The following STXBP4 variants were observed in gnomAD, a reference collection of about 807,000 sequenced individuals.
STXBP4 encodes syntaxin-binding protein 4.
A neutral mutation model predicts 76.1 loss-of-function variants in STXBP4; 55 were observed. The observed-to-expected ratio is 0.72, with a 90% CI of 0.58 to 0.91. The LOEUF is 0.91. STXBP4 is among the 40% of genes least tolerant of loss of function. STXBP4 has a pLI of 0.00. For synonymous variants in STXBP4, 201 were observed against 220.2 expected, an observed-to-expected ratio of 0.91 and a Z score of 0.77; for missense variants, 618 against 636.9, an observed-to-expected ratio of 0.97 and a Z score of 0.32.
At chr17:55,088,469 C>T (rs1422387581) in intron 16 of STXBP4, among the ~76,000 whole-genome samples, 1 of 152,152 alleles carries the variant, frequency 6.6e-6, no homozygotes, top group East Asian at 1.9e-4. Flanking sequence ...GATCCTGGCT[C>T]ACCACAAACT....
At chr17:55,014,817 T>TGGAA (rs2078176081) in intron 8 of STXBP4, among the ~76,000 whole-genome samples, 1 of 152,160 alleles carries the variant, frequency 6.6e-6, no homozygotes, top group South Asian at 2.1e-4. Context: ...TAGGCCACAC[T>TGGAA]GGAAGCAAGC....
intron 8 of STXBP4, among the ~76,000 whole-genome samples, chr17:55,026,649 T>C (rs966831350): frequency 3.3e-5 from 5 of 152,212 alleles, no homozygotes; most frequent in East Asian, 3.9e-4. Flanking sequence ...GGAACTCATA[T>C]AGGGGGCAGT....
At chr17:55,007,665 G>C in intron 8 of STXBP4, 68 bp downstream of exon 8, 2 of 1,262,832 alleles carry the variant, frequency 1.6e-6, no homozygotes, top group African/African-American at 1.5e-5. Context: ...CTCCTTCTTT[G>C]AGAGGATAAA....
At chr17:55,016,220 C>T (rs116037037) in intron 8 of STXBP4, among the ~76,000 whole-genome samples, 3,208 of 152,212 alleles carry the variant, frequency 0.021, 119 homozygotes, top group African/African-American at 0.073. Context: ...CTCTGTTTAT[C>T]GGTTTAGTTA....
At chr17:55,149,354 TCAGA>T (rs56351626) in intron 17 of STXBP4, among the ~76,000 whole-genome samples, 36,702 of 151,924 alleles carry the variant, frequency 0.24, 4,866 homozygotes, top group South Asian at 0.32. Flanking sequence ...GGCTTTAGTA[TCAGA>T]CAGAGCTAGC....
chr17:55,061,802 G>A (rs1363301659), intron 12 of STXBP4, among the ~76,000 whole-genome samples: 1 of 152,178 alleles, frequency 6.6e-6, no homozygotes, highest in East Asian at 1.9e-4. Flanking sequence ...AGATTCTTGT[G>A]TGTATCTGTA....
At chr17:55,143,288 A>G (rs1465897133) in intron 17 of STXBP4, among the ~76,000 whole-genome samples, 1 of 152,214 alleles carries the variant, frequency 6.6e-6, no homozygotes. Context: ...TGCATGATTA[A>G]AAGAAAGAAA....
rs2078502632 is a variant in STXBP4, at chr17:55,031,165, C to T, written c.667-3C>T. 1 of 1,611,114 alleles carries T rather than the reference C, an allele frequency of 6.2e-7. No homozygotes were observed. The highest frequency in any genetic ancestry group is 8.5e-7 in the Non-Finnish European group (1 of 1,178,086). On this transcript the variant is annotated splice_region_variant and splice_polypyrimidine_tract_variant and intron_variant, in intron 8 of 17. Transcript: ENST00000376352. ...TGCTTTTCATGAGTCCTTTATCTTC[C>T]AGGCTCTAAATTATCTTGGTATTCA... is the stretch of plus-strand genomic sequence containing the variant.
rs1218506509 is a variant in STXBP4 at position 55,084,415 on chromosome 17, C to G, written c.1489+3232C>G. Among the ~76,000 whole-genome samples, 5 of 152,230 alleles carry G rather than the reference C, an allele frequency of 3.3e-5. No homozygotes were observed. The East Asian group carries it at 9.7e-4, about 29-fold the overall frequency. On this transcript the variant is annotated intron_variant, in intron 16 of 17. Coordinates refer to ENST00000376352, the MANE Select transcript of STXBP4 (RefSeq NM_178509.6). ...CAGATGAGTAGGTTGCGAAAATTTTCTCCCATTTTGTAGGTTGCCTGTTCT... is the reference window on the plus strand; with the variant it reads ...CAGATGAGTAGGTTGCGAAAATTTTGTCCCATTTTGTAGGTTGCCTGTTCT...
At chr17:55,135,809 C>G (rs1406128225) in intron 16 of STXBP4, among the ~76,000 whole-genome samples, 1 of 152,014 alleles carries the variant, frequency 6.6e-6, no homozygotes, top group Non-Finnish European at 1.5e-5. Context: ...TAATAATGCA[C>G]AAATTGAGAC....
At chr17:55,194,754 G>A in the STXBP4 span, among the ~76,000 whole-genome samples, 13 of 152,318 alleles carry the variant, frequency 8.5e-5, no homozygotes, top group African/African-American at 3.1e-4. Context: ...GTGGAGAAAT[G>A]TCAGGCCTTT....
intron 3 of STXBP4, among the ~76,000 whole-genome samples, chr17:54,987,583 A>T (rs1168788056): frequency 6.6e-6 from 1 of 152,160 alleles, no homozygotes; most frequent in African/African-American, 2.4e-5. Context: ...GTGTGGATGT[A>T]CCATGGTTTA....
chr17:55,110,521 G>C (rs2079699173), intron 16 of STXBP4, among the ~76,000 whole-genome samples: 1 of 152,210 alleles, frequency 6.6e-6, no homozygotes, highest in South Asian at 2.1e-4. Context: ...GTAAATGACA[G>C]AGGCTAACAA....
intron 16 of STXBP4, among the ~76,000 whole-genome samples, chr17:55,105,039 GTCTA>G (rs1465758859): frequency 2.0e-5 from 3 of 152,046 alleles, no homozygotes; most frequent in Non-Finnish European, 4.4e-5. Context: ...CTGGCTAGTG[GTCTA>G]TCTATTTTGT....
intron 16 of STXBP4, among the ~76,000 whole-genome samples, chr17:55,082,137 CAA>C (rs2079263501): frequency 6.6e-6 from 1 of 152,094 alleles, no homozygotes; most frequent in African/African-American, 2.4e-5. Flanking sequence ...ATATATATTT[CAA>C]AACATAAATG....
the STXBP4 span, among the ~76,000 whole-genome samples, chr17:55,207,680 C>G: frequency 1.3e-5 from 2 of 152,158 alleles, no homozygotes; most frequent in African/African-American, 4.8e-5. Flanking sequence ...ATACGGGGAC[C>G]CTTATCACCA....
chr17:54,982,258 AAGTC>A (rs2077560865), intron 1 of STXBP4, among the ~76,000 whole-genome samples: 1 of 152,176 alleles, frequency 6.6e-6, no homozygotes, highest in Non-Finnish European at 1.5e-5. Context: ...ATAAATTACT[AAGTC>A]TTACTCAAAC....
At chr17:55,075,369 G>C (rs1172118912) in intron 13 of STXBP4, among the ~76,000 whole-genome samples, 1 of 151,952 alleles carries the variant, frequency 6.6e-6, no homozygotes, top group Non-Finnish European at 1.5e-5. Context: ...TAGCTAGTTC[G>C]TGTCTTCTTA....
chr17:55,049,652 CAAAG>C (rs914955355), intron 12 of STXBP4, among the ~76,000 whole-genome samples: 4 of 151,948 alleles, frequency 2.6e-5, no homozygotes, highest in East Asian at 3.9e-4. Context: ...AAAGGACACA[CAAAG>C]AAATGAGTAA....
Sources: allele counts gnomAD v4.1 joint callset (sites outside exome capture counted in the v4.1 genomes callset), GRCh38; gene constraint gnomAD v4.1.1; transcripts MANE v1.5; gene names NCBI Gene and HGNC (gene_info 2026-07-23, HGNC 2026-07-21).